Variants in ABCB11 observed in about 807,000 individuals in gnomAD.
The protein encoded by ABCB11 is ATP binding cassette subfamily B member 11, also known as bile salt export pump.
In ABCB11, 95 loss-of-function variants were observed where a neutral mutation model predicts 148.0. The ratio of observed to expected loss-of-function variants is 0.64; its 90% confidence interval spans 0.54 to 0.76. The LOEUF (loss-of-function observed/expected upper bound fraction) is 0.76. Ranked by LOEUF, ABCB11 falls within the 30% of genes least tolerant of loss-of-function variation. ABCB11 has a pLI of 0.00. For synonymous variants in ABCB11, 591 were observed against 555.4 expected (o/e 1.06, Z -0.90); for missense variants, 1,523 against 1,617.8 (o/e 0.94, Z 1.01).
rs541168900 is a variant in ABCB11, at chr2:168,992,357, CGTGA to C, written c.783+1350_783+1353del. Among the ~76,000 whole-genome samples, 180 of 152,048 alleles carry C rather than the reference CGTGA, an allele frequency of 1.2e-3. 1 individual carries two copies. Among genetic ancestry groups the C allele is most frequent in the African/African-American group, 4.1e-3 (171 of 41,492 alleles). Reference sequence around the variant, plus strand: ...ATGTTGAAATGTGGCCTATGATCCACGTGAGTGTGTATATTACTTTATCACAGGT... The same window carrying C: ...ATGTTGAAATGTGGCCTATGATCCACGTGTGTATATTACTTTATCACAGGT... On this transcript the variant is annotated intron_variant, in intron 8 of 27. Coordinates refer to ENST00000650372, the MANE Select transcript of ABCB11 (RefSeq NM_003742.4).
At chr2:168,930,594 T>C in intron 25 of ABCB11, 71 bp downstream of exon 25, 2 of 1,292,368 alleles carry the variant, frequency 1.5e-6, no homozygotes, top group Non-Finnish European at 1.0e-6. Flanking sequence ...AAGCAAAAAC[T>C]TGAAGCCCAC....
chr2:168,984,856 C>T (rs973890100), intron 10 of ABCB11, among the ~76,000 whole-genome samples: 1 of 152,220 alleles, frequency 6.6e-6, no homozygotes, highest in Middle Eastern at 3.4e-3. Context: ...AAAAGCCCTT[C>T]TAGACTTTGG....
At position 168,936,437 on chromosome 2, in the gene ABCB11, C is replaced by T. The variant is rs368038490; in HGVS notation, c.2611-4G>A. 5 of 1,613,520 alleles carry T rather than the reference C, an allele frequency of 3.1e-6. No homozygotes were observed. The African/African-American group carries it at 6.7e-5, about 22-fold the overall frequency. On this transcript the variant is annotated splice_polypyrimidine_tract_variant and splice_region_variant and intron_variant, in intron 21 of 27. Transcript: ENST00000650372. ...TCCCGATCTGAGAGCCGGCAGCCTG[C>T]AAACCAAAAAGCAATCAACCCGTCT...
chr2:169,028,365 C>T (rs191067327), intron 1 of ABCB11, among the ~76,000 whole-genome samples: 226 of 152,140 alleles, frequency 1.5e-3, no homozygotes, highest in African/African-American at 5.1e-3. Flanking sequence ...GGCCCTGATG[C>T]AGAGGAGCTG....
chr2:168,921,682 T>C lies in ABCB11; in HGVS notation c.*1940A>G, dbSNP rs528337317. Among the ~76,000 whole-genome samples, 1 of 152,126 alleles carries C rather than the reference T, an allele frequency of 6.6e-6. No individual in the cohort carries two copies. Among genetic ancestry groups the C allele is most frequent in the South Asian group, 2.1e-4 (1 of 4,808 alleles). On this transcript the variant is annotated 3_prime_UTR_variant, in exon 28 of 28. Transcript: ENST00000650372. The stretch of plus-strand genomic sequence containing the variant: ...TTTATATGTTAAAATACTTCCTCAG[T>C]GTCTGGTGGTCCTTGGAAGTCAATT...
chr2:168,944,568 C>T (rs1176517024), intron 21 of ABCB11, 37 bp downstream of exon 21: 4 of 1,541,844 alleles, frequency 2.6e-6, no homozygotes, highest in Non-Finnish European at 2.6e-6. Flanking sequence ...AATGCCAATG[C>T]AGTTAATATA....
At chr2:168,979,826 C>A (rs765459470) in intron 11 of ABCB11, 40 bp downstream of exon 11, 1 of 1,276,790 alleles carries the variant, frequency 7.8e-7, no homozygotes, top group African/African-American at 1.5e-5. Flanking sequence ...ACCCCCCAGC[C>A]CCCACCTGTT....
chr2:168,986,089 C>T lies in ABCB11; in HGVS notation c.1083+21G>A, dbSNP rs778545298. 36 of 1,528,690 alleles carry T rather than the reference C, an allele frequency of 2.4e-5. No individual in the cohort carries two copies. The South Asian group carries it at 3.8e-4, about 16-fold the overall frequency. The allele number at this position is 1,528,690 out of a possible 1,614,324, so 94.7% of individuals were successfully genotyped here. On this transcript the variant is annotated intron_variant, in intron 10 of 27. Coordinates refer to ENST00000650372, the MANE Select transcript of ABCB11 (RefSeq NM_003742.4). Reference sequence around the variant, plus strand: ...GATACCAGAAGGAAATGCTATGTCTCGGTCAATAAGTCCAAGGTACCTGGA... The same window carrying T: ...GATACCAGAAGGAAATGCTATGTCTTGGTCAATAAGTCCAAGGTACCTGGA...
intron 19 of ABCB11, among the ~76,000 whole-genome samples, chr2:168,946,897 T>C (rs80130417): frequency 2.8e-3 from 422 of 151,938 alleles, no homozygotes; most frequent in Non-Finnish European, 4.6e-3. Flanking sequence ...AAAGAGCATT[T>C]AGCTAATGTT....
intron 19 of ABCB11, among the ~76,000 whole-genome samples, chr2:168,953,452 C>CTT (rs35351007): frequency 0.015 from 2,149 of 142,656 alleles, 51 homozygotes; most frequent in African/African-American, 0.049. Context: ...ATTATCTTGT[C>CTT]TTTTTTTTTT....
rs184334834 is a variant in ABCB11 at position 168,936,424 on chromosome 2, A to G, written c.2620T>C (p.Ser874Pro). The change falls in exon 22 of 28, where the codon TCT becomes CCT. Residue 874 changes from serine to proline, a missense_variant. Ser to Pro is a moderately conservative substitution (Grantham distance 74). Coordinates refer to ENST00000650372, the MANE Select transcript of ABCB11 (RefSeq NM_003742.4). Reference protein sequence around the residue: ...DASQVQGAAGSQIGMIVNSFT... With the variant: ...DASQVQGAAGPQIGMIVNSFT... ...GAATTGACTATCATCCCGATCTGAG[A>G]GCCGGCAGCCTGCAAACCAAAAAGC... is the stretch of plus-strand genomic sequence containing the variant. 6.0e-5 allele frequency: 97 copies of G among 1,613,948 alleles called. No individual in the cohort carries two copies. The Admixed American group carries it at 1.6e-3, about 27-fold the overall frequency.
intron 5 of ABCB11, among the ~76,000 whole-genome samples, chr2:168,999,363 T>C (rs1421265077): frequency 6.6e-6 from 1 of 151,928 alleles, no homozygotes; most frequent in Non-Finnish European, 1.5e-5. Flanking sequence ...CTTGCAAATA[T>C]CTTGCAAAAC....
At chr2:168,919,922 G>A (rs1691026936), downstream of ABCB11, among the ~76,000 whole-genome samples, 1 of 152,014 alleles carries the variant, frequency 6.6e-6, no homozygotes, top group East Asian at 1.9e-4. Flanking sequence ...GCCCAGGCTG[G>A]AGGGCAGTGG....
chr2:168,930,926 C>A, intron 24 of ABCB11, 64 bp from the exon 25 acceptor site: 1 of 1,412,212 alleles, frequency 7.1e-7, no homozygotes, highest in Non-Finnish European at 9.6e-7. Context: ...GAAAACACAC[C>A]TAAATCTTGA....
chr2:168,936,204 T>C lies in ABCB11; in HGVS notation c.2814+26A>G, dbSNP rs573061916. ...CTGATAGCCACTCAGCCATGAGGAA[T>C]GGGAAAATTAGATCTGCAAGATTAC... On this transcript the variant is annotated intron_variant, in intron 22 of 27. Transcript: ENST00000650372. 8.3e-5 allele frequency: 134 copies of C among 1,605,966 alleles called. No homozygotes were observed. In the East Asian group the frequency reaches 2.9e-3, roughly 35 times the overall value.
At chr2:168,960,444 T>G (rs1354002713) in intron 18 of ABCB11, among the ~76,000 whole-genome samples, 3 of 151,622 alleles carry the variant, frequency 2.0e-5, no homozygotes, top group South Asian at 2.1e-4. Flanking sequence ...CACAGGATGG[T>G]CCACCCACAG....
At chr2:168,995,141 C>T (rs1403202292) in intron 7 of ABCB11, among the ~76,000 whole-genome samples, 1 of 152,114 alleles carries the variant, frequency 6.6e-6, no homozygotes, top group South Asian at 2.1e-4. Context: ...GGTCTACACA[C>T]CAAATTGCAG....
At chr2:169,016,979 TA>T (rs1695378695) in intron 2 of ABCB11, among the ~76,000 whole-genome samples, 180 bp from the exon 3 acceptor site, 1 of 138,004 alleles carries the variant, frequency 7.2e-6, no homozygotes, top group African/African-American at 2.7e-5. Context: ...TCTATCTTTC[TA>T]CACACACACA....
At chr2:168,964,121 A>T in intron 18 of ABCB11, 85 bp downstream of exon 18, 2 of 943,884 alleles carry the variant, frequency 2.1e-6, no homozygotes, top group Non-Finnish European at 3.3e-6. Flanking sequence ...TACCTAGAAA[A>T]CTCATATTCT....
Sources: gnomAD v4.1 joint callset for allele counts (sites outside exome capture counted in the v4.1 genomes callset) on GRCh38, gnomAD v4.1.1 for gene constraint, MANE v1.5 for transcripts, NCBI Gene and HGNC (gene_info 2026-07-23, HGNC 2026-07-21) for gene names.